Variants in NRG1 observed in about 807,000 individuals in gnomAD.
NRG1 encodes neuregulin 1, also known as pro-neuregulin-1, membrane-bound isoform.
In NRG1, 18 loss-of-function variants were observed where a neutral mutation model predicts 63.8. That is an observed-to-expected ratio of 0.28 (90% CI 0.19 to 0.42). The LOEUF (loss-of-function observed/expected upper bound fraction) is 0.42, where lower values mean the gene tolerates loss of function less well. NRG1 is among the 10% of genes least tolerant of loss of function. The probability of loss-of-function intolerance (pLI) is 1.00; values close to 1 mark genes in which losing one functional copy is unlikely to be tolerated. For synonymous variants in NRG1, 302 were observed against 301.3 expected, an observed-to-expected ratio of 1.00 and a Z score of -0.02; for missense variants, 762 against 814.7, an observed-to-expected ratio of 0.94 and a Z score of 0.79.
At chr8:31,874,762 T>G in intron 1 of NRG1, among the ~76,000 whole-genome samples, 1 of 139,170 alleles carries the variant, frequency 7.2e-6, no homozygotes, top group African/African-American at 2.6e-5. Context: ...ACCCTCCCAC[T>G]ATCCTTCCCA....
chr8:32,624,754 C>A (rs1439022695), intron 5 of NRG1, among the ~76,000 whole-genome samples: 4 of 152,032 alleles, frequency 2.6e-5, no homozygotes, highest in African/African-American at 9.7e-5. Flanking sequence ...AAATGAGTTA[C>A]AGTTTTGAAA....
intron 5 of NRG1, among the ~76,000 whole-genome samples, chr8:32,621,048 C>T (rs1021672942): frequency 2.0e-5 from 3 of 151,962 alleles, no homozygotes; most frequent in Non-Finnish European, 4.4e-5. Context: ...AACACATTAT[C>T]GGTTTTGCCC....
At chr8:32,278,977 G>A (rs1019632870) in intron 1 of NRG1, among the ~76,000 whole-genome samples, 26 of 152,136 alleles carry the variant, frequency 1.7e-4, no homozygotes, top group African/African-American at 5.8e-4. Flanking sequence ...TGTTTGCCTT[G>A]GATTTAACCA....
At chr8:32,611,942 A>G (rs1314090470) in intron 3 of NRG1, among the ~76,000 whole-genome samples, 1 of 152,088 alleles carries the variant, frequency 6.6e-6, no homozygotes, top group East Asian at 1.9e-4. Context: ...TCCTTTCTAG[A>G]AGATATCTTT....
intron 1 of NRG1, among the ~76,000 whole-genome samples, chr8:32,233,542 T>TAA (rs1847187328): frequency 1.8e-5 from 1 of 54,602 alleles, no homozygotes; most frequent in Non-Finnish European, 3.1e-5. Context: ...AAAGAATATA[T>TAA]ATATATATAT....
Position 32,409,195 on chromosome 8 carries a change from G to T in NRG1, c.38-186633G>T, listed in dbSNP as rs139122271. The stretch of plus-strand genomic sequence containing the variant: ...TAAATGGTGCTAGGAAAATTGGCTA[G>T]CCATATGCAGAACAATGAAACTCGT... On this transcript the variant is annotated intron_variant, in intron 1 of 10. Transcript: ENST00000519301. Among the ~76,000 whole-genome samples, 402 of 152,148 alleles carry T rather than the reference G, an allele frequency of 2.6e-3. 3 individuals carry two copies. The highest frequency in any genetic ancestry group is 9.1e-3 in the African/African-American group (378 of 41,514).
intron 1 of NRG1, among the ~76,000 whole-genome samples, chr8:31,879,544 G>A (rs1830186338): frequency 6.6e-6 from 1 of 152,112 alleles, no homozygotes; most frequent in South Asian, 2.1e-4. Flanking sequence ...GAGGTAGAGA[G>A]CATTTTTTTA....
chr8:32,339,459 G>A (rs1803762261), intron 1 of NRG1, among the ~76,000 whole-genome samples: 1 of 152,078 alleles, frequency 6.6e-6, no homozygotes, highest in Non-Finnish European at 1.5e-5. Flanking sequence ...AATTGGATAG[G>A]CCATGAATAG....
At position 31,707,293 on chromosome 8, in the gene NRG1, A is replaced by G. The variant is rs990851730; in HGVS notation, c.37+67862A>G. On this transcript the variant is annotated intron_variant, in intron 1 of 10. Transcript: ENST00000519301. ...CCCACTGATGTAAGATATTACCCTT[A>G]TTATACACTAAATTCTTCTCTATGT... Among the ~76,000 whole-genome samples, 5 of 152,098 alleles carry G rather than the reference A, an allele frequency of 3.3e-5. 1 individual carries two copies. The highest frequency in any genetic ancestry group is 7.4e-5 in the Non-Finnish European group (5 of 67,984).
chr8:32,646,592 G>A (rs1853594862), intron 5 of NRG1: 6 of 741,298 alleles, frequency 8.1e-6, no homozygotes, highest in Non-Finnish European at 9.9e-6. Context: ...TGCTAGCATC[G>A]ATCGCTGGCT....
chr8:31,946,942 G>T (rs1337646164), intron 1 of NRG1, among the ~76,000 whole-genome samples: 2 of 152,186 alleles, frequency 1.3e-5, no homozygotes, highest in African/African-American at 4.8e-5. Context: ...AACAAATATG[G>T]ATCTAACTCA....
At chr8:31,705,335 C>T (rs954538037) in intron 1 of NRG1, among the ~76,000 whole-genome samples, 1 of 152,018 alleles carries the variant, frequency 6.6e-6, no homozygotes, top group Non-Finnish European at 1.5e-5. Flanking sequence ...CGTGAGCCAC[C>T]GCGCCCCAGC....
At chr8:32,402,421 A>T (rs1242485862) in intron 1 of NRG1, among the ~76,000 whole-genome samples, 2 of 152,016 alleles carry the variant, frequency 1.3e-5, no homozygotes, top group African/African-American at 4.8e-5. Context: ...TAAATGGAAA[A>T]TTTAAAAAAA....
intron 1 of NRG1, among the ~76,000 whole-genome samples, chr8:32,506,544 A>G (rs1295641815): frequency 6.6e-6 from 1 of 152,240 alleles, no homozygotes. Flanking sequence ...TCCAGGAGGA[A>G]AAGGATTAAT....
chr8:32,086,953 T>G (rs1828310140), intron 1 of NRG1, among the ~76,000 whole-genome samples: 1 of 152,212 alleles, frequency 6.6e-6, no homozygotes, highest in Admixed American at 6.5e-5. Flanking sequence ...TATAGCATTG[T>G]TAACTCTAGA....
intron 1 of NRG1, among the ~76,000 whole-genome samples, chr8:32,420,965 T>G (rs931286808): frequency 2.0e-5 from 3 of 152,194 alleles, no homozygotes; most frequent in African/African-American, 7.2e-5. Context: ...TGGCACTCAC[T>G]CTGTCCTGCC....
At chr8:31,789,951 T>C (rs180732539) in intron 1 of NRG1, among the ~76,000 whole-genome samples, 10 of 152,282 alleles carry the variant, frequency 6.6e-5, no homozygotes, top group Admixed American at 1.3e-4. Context: ...TATGATCTTT[T>C]TTTAGGGAAT....
rs76252900 is a variant in NRG1 at position 32,391,905 on chromosome 8, A to G, written c.38-203923A>G. 8.6e-3 allele frequency among the ~76,000 whole-genome samples: 1,312 copies of G among 152,340 alleles called. 26 individuals carry two copies. Among genetic ancestry groups the G allele is most frequent in the African/African-American group, 0.03 (1,235 of 41,576 alleles). The stretch of plus-strand genomic sequence containing the variant: ...GTCCAAAGGATAATTCAGTCAACTT[A>G]AAATAGTTATTTAAAAATGTGAACA... On this transcript the variant is annotated intron_variant, in intron 1 of 10. Transcript: ENST00000519301.
At chr8:32,141,659 G>A (rs1836295175) in intron 1 of NRG1, among the ~76,000 whole-genome samples, 1 of 128,344 alleles carries the variant, frequency 7.8e-6, no homozygotes, top group Non-Finnish European at 1.6e-5. Flanking sequence ...ATCTCTCCAT[G>A]CATCCAAAAT....
Sources: allele counts gnomAD v4.1 joint callset (sites outside exome capture counted in the v4.1 genomes callset), GRCh38; gene constraint gnomAD v4.1.1; transcripts MANE v1.5; gene names NCBI Gene and HGNC (gene_info 2026-07-23, HGNC 2026-07-21).